Variants in TSHZ2 observed in about 807,000 individuals in gnomAD.
TSHZ2 encodes teashirt homolog 2.
TSHZ2 carries 21 observed loss-of-function variants against 74.4 expected under a neutral mutation model. The ratio of observed to expected loss-of-function variants is 0.28; its 90% confidence interval spans 0.20 to 0.41. TSHZ2 has a LOEUF of 0.41. Ranked by LOEUF, TSHZ2 falls within the 10% of genes least tolerant of loss-of-function variation. The probability of loss-of-function intolerance (pLI) is 1.00; values close to 1 mark genes in which losing one functional copy is unlikely to be tolerated. For missense variants in TSHZ2, 1,244 were observed against 1,293.5 expected, an observed-to-expected ratio of 0.96 and a Z score of 0.59; for synonymous variants, 540 against 515.3, an observed-to-expected ratio of 1.05 and a Z score of -0.65.
rs145406478 is a variant in TSHZ2 at position 53,050,427 on chromosome 20, G to C, written c.40+77094G>C. Among the ~76,000 whole-genome samples, 211 of 152,090 alleles carry C rather than the reference G, an allele frequency of 1.4e-3. 1 individual carries two copies. Among genetic ancestry groups the C allele is most frequent in the East Asian group, 5.8e-3 (30 of 5,172 alleles). ...GTCTGATACATTAGATACAAATTAT[G>C]ACTAATAATTTGCCCCATTTTCCAA... On this transcript the variant is annotated intron_variant, in intron 1 of 2. Transcript: ENST00000371497.
chr20:53,482,943 AAAT>A (rs1424220344), intron 2 of TSHZ2, among the ~76,000 whole-genome samples: 2 of 152,120 alleles, frequency 1.3e-5, no homozygotes, highest in African/African-American at 4.8e-5. Context: ...AATTTTTAAA[AAAT>A]AATAATGTGT....
At chr20:53,171,872 A>G (rs1988211271) in intron 1 of TSHZ2, among the ~76,000 whole-genome samples, 1 of 152,194 alleles carries the variant, frequency 6.6e-6, no homozygotes, top group Non-Finnish European at 1.5e-5. Flanking sequence ...CAGATCATTA[A>G]TAAGAAAAGG....
At chr20:53,217,884 A>T (rs1220883010) in intron 1 of TSHZ2, among the ~76,000 whole-genome samples, 1 of 152,214 alleles carries the variant, frequency 6.6e-6, no homozygotes, top group Non-Finnish European at 1.5e-5. Flanking sequence ...AAACAAAAAA[A>T]CTAAGGTTGA....
chr20:53,023,363 T>C (rs1233593557), intron 1 of TSHZ2, among the ~76,000 whole-genome samples: 2 of 152,212 alleles, frequency 1.3e-5, no homozygotes, highest in Non-Finnish European at 2.9e-5. Flanking sequence ...CAGAATTTTA[T>C]CCAAATGTTC....
intron 1 of TSHZ2, among the ~76,000 whole-genome samples, chr20:53,127,001 T>C (rs1986965096): frequency 6.7e-6 from 1 of 149,720 alleles, no homozygotes; most frequent in Non-Finnish European, 1.5e-5. Flanking sequence ...AATTATTGGC[T>C]GAAGGAAGGA....
chr20:53,168,392 G>A (rs1988110913), intron 1 of TSHZ2, among the ~76,000 whole-genome samples: 2 of 152,164 alleles, frequency 1.3e-5, no homozygotes, highest in African/African-American at 4.8e-5. Flanking sequence ...TAGTTTATGA[G>A]AATGGAATGT....
chr20:53,486,813 T>TG (rs35395734), intron 2 of TSHZ2, among the ~76,000 whole-genome samples: 25,061 of 152,088 alleles, frequency 0.16, 2,396 homozygotes, highest in East Asian at 0.3. Flanking sequence ...GCATAGTACC[T>TG]GATAGGCAGT....
At chr20:53,276,113 C>G (rs1280064757) in intron 2 of TSHZ2, among the ~76,000 whole-genome samples, 1 of 152,168 alleles carries the variant, frequency 6.6e-6, no homozygotes, top group Admixed American at 6.5e-5. Context: ...TGTATGCCGT[C>G]AGAACTTTGT....
At chr20:53,363,572 G>A (rs1389462435) in intron 2 of TSHZ2, among the ~76,000 whole-genome samples, 1 of 152,236 alleles carries the variant, frequency 6.6e-6, no homozygotes, top group African/African-American at 2.4e-5. Context: ...GTCTCCAGGG[G>A]ATGCAGAGGA....
chr20:53,081,382 T>C (rs1289567214), intron 1 of TSHZ2, among the ~76,000 whole-genome samples: 1 of 152,186 alleles, frequency 6.6e-6, no homozygotes, highest in Non-Finnish European at 1.5e-5. Flanking sequence ...ACTTTCAGCT[T>C]GACACTGAGT....
intron 1 of TSHZ2, among the ~76,000 whole-genome samples, chr20:53,068,425 G>A (rs1193329333): frequency 1.3e-5 from 2 of 152,032 alleles, no homozygotes; most frequent in Non-Finnish European, 2.9e-5. Context: ...TCCCACTTTA[G>A]GAAATTTTTT....
intron 1 of TSHZ2, among the ~76,000 whole-genome samples, chr20:53,118,832 A>C (rs1986736298): frequency 6.6e-6 from 1 of 152,164 alleles, no homozygotes. Context: ...TGGGTGATTT[A>C]TAAAGAAAAG....
chr20:53,110,343 A>G (rs1421514497), intron 1 of TSHZ2, among the ~76,000 whole-genome samples: 2 of 151,856 alleles, frequency 1.3e-5, no homozygotes, highest in Non-Finnish European at 1.5e-5. Flanking sequence ...ACATGTTCCA[A>G]TAAATCCCAG....
chr20:53,072,792 G>A (rs1985215424), intron 1 of TSHZ2, among the ~76,000 whole-genome samples: 1 of 152,120 alleles, frequency 6.6e-6, no homozygotes, highest in East Asian at 1.9e-4. Flanking sequence ...ACTGTTTACT[G>A]GGGGGTCGAG....
At chr20:52,994,631 C>A (rs146311434) in intron 1 of TSHZ2, among the ~76,000 whole-genome samples, 1 of 152,306 alleles carries the variant, frequency 6.6e-6, no homozygotes, top group East Asian at 1.9e-4. Flanking sequence ...TCCCTTCAGA[C>A]GAATCCTTCC....
At chr20:53,214,926 A>G (rs1600745937) in intron 1 of TSHZ2, among the ~76,000 whole-genome samples, 1 of 152,142 alleles carries the variant, frequency 6.6e-6, no homozygotes. Flanking sequence ...TTTGTGAAGG[A>G]TGTGGCATTT....
intron 1 of TSHZ2, among the ~76,000 whole-genome samples, chr20:53,229,842 G>C (rs900752312): frequency 3.0e-5 from 4 of 131,978 alleles, no homozygotes; most frequent in Non-Finnish European, 6.5e-5. Flanking sequence ...AGAAAGAAAA[G>C]AAAAAAAGAA....
chr20:53,329,093 A>G (rs1286424311), intron 2 of TSHZ2, among the ~76,000 whole-genome samples: 2 of 152,240 alleles, frequency 1.3e-5, no homozygotes, highest in Non-Finnish European at 2.9e-5. Flanking sequence ...TGCCATCGGA[A>G]GGGTTTCAAG....
chr20:53,365,310 T>A (rs1320576187), intron 2 of TSHZ2, among the ~76,000 whole-genome samples: 1 of 152,180 alleles, frequency 6.6e-6, no homozygotes, highest in Non-Finnish European at 1.5e-5. Context: ...GATGAATGCA[T>A]GTGTGATGGT....
Sources: gnomAD v4.1 joint callset for allele counts (sites outside exome capture counted in the v4.1 genomes callset) on GRCh38, gnomAD v4.1.1 for gene constraint, MANE v1.5 for transcripts, NCBI Gene and HGNC (gene_info 2026-07-23, HGNC 2026-07-21) for gene names.